VPS8: variants seen among roughly 807,000 people sequenced by gnomAD.
VPS8 encodes VPS8 subunit of CORVET complex.
In VPS8, 129 loss-of-function variants were observed where a neutral mutation model predicts 216.4. The ratio of observed to expected loss-of-function variants is 0.60; its 90% CI spans 0.52 to 0.69. The LOEUF is 0.69. VPS8 is among the 30% of genes least tolerant of loss of function. VPS8 has a pLI of 0.00. For synonymous variants in VPS8, 571 were observed against 565.4 expected (o/e 1.01, Z -0.14); for missense variants, 1,531 against 1,683.5 (o/e 0.91, Z 1.59).
At chr3:184,832,527 T>A (rs1460950119) in intron 3 of VPS8, among the ~76,000 whole-genome samples, 162 bp from the exon 4 acceptor site, 1 of 152,212 alleles carries the variant, frequency 6.6e-6, no homozygotes, top group Non-Finnish European at 1.5e-5. Context: ...AATTTAATAC[T>A]AGTAATTCTG....
chr3:184,998,412 A>G (rs1389148620), intron 44 of VPS8, among the ~76,000 whole-genome samples: 1 of 149,046 alleles, frequency 6.7e-6, no homozygotes, highest in Non-Finnish European at 1.5e-5. Context: ...TTTTAAAGCT[A>G]TGGAACCTGG....
chr3:184,994,318 A>C (rs1218790118), intron 43 of VPS8, among the ~76,000 whole-genome samples: 3 of 152,042 alleles, frequency 2.0e-5, no homozygotes, highest in Non-Finnish European at 4.4e-5. Flanking sequence ...TCCAGGCAAC[A>C]TAGCAAGACT....
intron 35 of VPS8, 110 bp downstream of exon 35, chr3:184,936,445 G>A: frequency 9.7e-7 from 1 of 1,033,838 alleles, no homozygotes; most frequent in East Asian, 2.8e-5. Flanking sequence ...ACATTTATTA[G>A]CAGTTTCTAT....
intron 46 of VPS8, among the ~76,000 whole-genome samples, chr3:185,038,549 G>A (rs1759212633): frequency 6.6e-6 from 1 of 152,164 alleles, no homozygotes. Context: ...TCTCTTCCCA[G>A]TTGCATTTCA....
At chr3:184,935,472 T>TG (rs1488272814) in intron 34 of VPS8, among the ~76,000 whole-genome samples, 1 of 152,166 alleles carries the variant, frequency 6.6e-6, no homozygotes, top group Non-Finnish European at 1.5e-5. Context: ...GCAGTCATAG[T>TG]GGTTTGTCTG....
intron 7 of VPS8, among the ~76,000 whole-genome samples, chr3:184,840,961 G>A (rs1722031861): frequency 6.6e-6 from 1 of 152,214 alleles, no homozygotes; most frequent in Admixed American, 6.5e-5. Context: ...GTTATTTTCT[G>A]TTGGTTTTGA....
intron 46 of VPS8, among the ~76,000 whole-genome samples, chr3:185,025,293 T>G (rs1385109600): frequency 6.6e-6 from 1 of 152,222 alleles, no homozygotes; most frequent in Non-Finnish European, 1.5e-5. Flanking sequence ...GGTAAACAAA[T>G]TGACATTTTT....
chr3:185,000,514 T>G (rs533201774), intron 45 of VPS8, among the ~76,000 whole-genome samples: 11 of 152,196 alleles, frequency 7.2e-5, no homozygotes, highest in Non-Finnish European at 1.5e-4. Flanking sequence ...TATTTTTGGC[T>G]TCCTGTTCCT....
At chr3:185,034,631 TTGTTGTTGTTGTTC>T (rs1758633089) in intron 46 of VPS8, among the ~76,000 whole-genome samples, 1 of 152,110 alleles carries the variant, frequency 6.6e-6, no homozygotes, top group Non-Finnish European at 1.5e-5. Flanking sequence ...GTTGTTGTTG[TTGTTGTTGTTGTTC>T]TGTGTGTATT....
intron 47 of VPS8, among the ~76,000 whole-genome samples, chr3:185,051,242 T>C (rs1714166944): frequency 6.6e-6 from 1 of 152,126 alleles, no homozygotes; most frequent in Non-Finnish European, 1.5e-5. Context: ...ATTGAGCCAC[T>C]GACAGAACGA....
chr3:184,844,528 C>G (rs995918998), intron 8 of VPS8, among the ~76,000 whole-genome samples: 2 of 152,092 alleles, frequency 1.3e-5, no homozygotes, highest in Non-Finnish European at 2.9e-5. Context: ...AACTGGATTC[C>G]TACTAGGATG....
At chr3:185,051,802 A>C in intron 47 of VPS8, 74 bp from the exon 48 acceptor site, 1 of 1,461,874 alleles carries the variant, frequency 6.8e-7, no homozygotes, top group Non-Finnish European at 9.1e-7. Flanking sequence ...CATGTATCTG[A>C]AGCAGTGGAT....
intron 21 of VPS8, among the ~76,000 whole-genome samples, chr3:184,884,781 C>T (rs1376881627): frequency 1.3e-5 from 2 of 152,214 alleles, no homozygotes; most frequent in Non-Finnish European, 2.9e-5. Flanking sequence ...CAAACCTACA[C>T]GATAGGATTG....
At chr3:184,884,900 T>C (rs1177436279) in intron 21 of VPS8, among the ~76,000 whole-genome samples, 1 of 152,194 alleles carries the variant, frequency 6.6e-6, no homozygotes, top group Non-Finnish European at 1.5e-5. Context: ...AAAAGATGTT[T>C]ATTTTCTCTA....
rs141506769 is a variant in VPS8, at chr3:184,849,104, G to C, written c.575G>C (p.Ser192Thr). Residue 192 changes from serine to threonine, a missense_variant, in exon 9 of 48, where the codon AGC becomes ACC. By Grantham distance (58) the Ser-to-Thr change is moderately conservative. This residue lies in a region of VPS8 where 1,318 missense variants were observed against 1,468.4 expected (regional missense o/e 0.90). Coordinates refer to ENST00000625842, the MANE Select transcript of VPS8 (RefSeq NM_001009921.3). ...QNQALRLCLG[S>T]TSVGGQYGAI... ...CAAGCTTTGCGACTCTGTCTGGGTA[G>C]CACTAGTGTTGGAGGTCAGTATGGC... is the stretch of plus-strand genomic sequence containing the variant. 36 of 1,613,468 alleles carry C rather than the reference G, an allele frequency of 2.2e-5. No individual in the cohort carries two copies. The East Asian group carries it at 7.8e-4, about 35-fold the overall frequency.
At chr3:185,049,155 G>T (rs1577289006) in intron 47 of VPS8, among the ~76,000 whole-genome samples, 1 of 152,168 alleles carries the variant, frequency 6.6e-6, no homozygotes, top group Admixed American at 6.5e-5. Flanking sequence ...ATACCTCACT[G>T]CAATGGAGAC....
chr3:184,966,958 C>G lies in VPS8; in HGVS notation c.3316+245C>G, dbSNP rs145490711. Among the ~76,000 whole-genome samples, 42 of 141,600 alleles carry G rather than the reference C, an allele frequency of 3.0e-4. No individual in the cohort carries two copies. The East Asian group carries it at 8.1e-3, about 27-fold the overall frequency. The allele number at this position is 141,600 out of a possible 152,430, so 92.9% of individuals were successfully genotyped here. On this transcript the variant is annotated intron_variant, in intron 39 of 47. Coordinates refer to ENST00000625842, the MANE Select transcript of VPS8 (RefSeq NM_001009921.3). Reference sequence around the variant, plus strand: ...AGTTAAATATACAGAAAATTATGCACTGTTTGTTGGTTATCTTTTTTTTTT... The same window carrying G: ...AGTTAAATATACAGAAAATTATGCAGTGTTTGTTGGTTATCTTTTTTTTTT...
At chr3:184,818,289 T>C (rs1196375685) in intron 1 of VPS8, among the ~76,000 whole-genome samples, 2 of 152,114 alleles carry the variant, frequency 1.3e-5, no homozygotes, top group African/African-American at 2.4e-5. Context: ...CCCAGCACTT[T>C]GGGAGGCTGA....
intron 1 of VPS8, among the ~76,000 whole-genome samples, chr3:184,823,799 G>A (rs1718130506): frequency 6.6e-6 from 1 of 152,134 alleles, no homozygotes; most frequent in Admixed American, 6.5e-5. Flanking sequence ...AGTTTTGCAA[G>A]TAAACCAAAT....
Sources: gnomAD v4.1 joint callset for allele counts (sites outside exome capture counted in the v4.1 genomes callset) on GRCh38, gnomAD v4.1.1 for gene constraint, gnomAD v4.1.1 regional missense constraint, MANE v1.5 for transcripts, NCBI Gene and HGNC (gene_info 2026-07-23, HGNC 2026-07-21) for gene names.